The following ATAD2B variants were observed in gnomAD, a reference collection of about 807,000 sequenced individuals.
ATAD2B encodes the protein ATPase family AAA domain containing 2B.
In ATAD2B, 40 loss-of-function variants were observed where a neutral mutation model predicts 167.6. That is an observed-to-expected ratio of 0.24 (90% CI 0.19 to 0.31). The LOEUF (loss-of-function observed/expected upper bound fraction) is 0.31. Ranked by LOEUF, ATAD2B falls within the 10% of genes least tolerant of loss-of-function variation. The pLI is 1.00. For synonymous variants in ATAD2B, 579 were observed against 596.5 expected (o/e 0.97, Z 0.43); for missense variants, 1,242 against 1,757.2 (o/e 0.71, Z 5.24).
At chr2:23,887,220 C>T (rs1698808296) in intron 4 of ATAD2B, among the ~76,000 whole-genome samples, 2 of 152,176 alleles carry the variant, frequency 1.3e-5, no homozygotes, top group African/African-American at 4.8e-5. Flanking sequence ...GCCAAGATCG[C>T]GTCACTGCAC....
chr2:23,857,260 G>C (rs1053126036), intron 13 of ATAD2B, among the ~76,000 whole-genome samples, 155 bp downstream of exon 13: 3 of 152,180 alleles, frequency 2.0e-5, no homozygotes, highest in Admixed American at 6.5e-5. Context: ...GCTGTGGTGT[G>C]CTGACCCCTG....
the ATAD2B span, chr2:23,706,705 G>A: frequency 7.7e-4 from 1,073 of 1,393,252 alleles, 10 homozygotes; most frequent in African/African-American, 0.014. Context: ...GACAAGTCTG[G>A]TGAGGCAAGT....
intron 14 of ATAD2B, among the ~76,000 whole-genome samples, chr2:23,830,877 G>A (rs1688947938): frequency 6.6e-6 from 1 of 151,802 alleles, no homozygotes; most frequent in Non-Finnish European, 1.5e-5. Flanking sequence ...AAATTATGCT[G>A]GAAGATATCC....
chr2:23,721,869 G>GCA, the ATAD2B span, among the ~76,000 whole-genome samples: 3 of 152,132 alleles, frequency 2.0e-5, no homozygotes, highest in Admixed American at 1.3e-4. Flanking sequence ...CCCACCATGT[G>GCA]CACACACACA....
At chr2:23,766,640 C>T (rs554504038) in intron 22 of ATAD2B, among the ~76,000 whole-genome samples, 26 of 152,288 alleles carry the variant, frequency 1.7e-4, no homozygotes, top group African/African-American at 6.3e-4. Context: ...CCACCCACAG[C>T]AGTGAACAAA....
intron 22 of ATAD2B, among the ~76,000 whole-genome samples, chr2:23,766,860 C>A (rs573747598): frequency 1.3e-5 from 2 of 150,164 alleles, no homozygotes; most frequent in African/African-American, 2.5e-5. Context: ...CTCTGAAGAA[C>A]AGGCATTTAA....
chr2:23,719,579 CCA>C, the ATAD2B span, among the ~76,000 whole-genome samples: 3 of 151,990 alleles, frequency 2.0e-5, no homozygotes, highest in African/African-American at 7.3e-5. Context: ...TGAAAAACCT[CCA>C]AGCAGATGGT....
intron 13 of ATAD2B, among the ~76,000 whole-genome samples, chr2:23,837,613 T>C (rs1690216592): frequency 6.6e-6 from 1 of 152,244 alleles, no homozygotes; most frequent in South Asian, 2.1e-4. Context: ...ACAGCAGGCA[T>C]GATGATGGTG....
chr2:23,760,447 A>G (rs1345866270), intron 24 of ATAD2B, among the ~76,000 whole-genome samples: 1 of 151,932 alleles, frequency 6.6e-6, no homozygotes, highest in Non-Finnish European at 1.5e-5. Flanking sequence ...GATCACTTGA[A>G]GTCAGGAGTT....
the ATAD2B span, among the ~76,000 whole-genome samples, chr2:23,679,629 C>T: frequency 2.4e-4 from 34 of 142,644 alleles, no homozygotes; most frequent in African/African-American, 6.3e-4. Context: ...TATATGTATG[C>T]CAGGCCCTGT....
chr2:23,873,941 C>A (rs906286928), intron 8 of ATAD2B, among the ~76,000 whole-genome samples: 10 of 152,130 alleles, frequency 6.6e-5, no homozygotes, highest in Non-Finnish European at 1.2e-4. Context: ...AATCCCAGCA[C>A]TTTGGGAGGC....
the ATAD2B span, chr2:23,706,788 C>T: frequency 1.6e-6 from 1 of 635,796 alleles, no homozygotes; most frequent in Admixed American, 3.4e-5. Context: ...TCACTGCGCT[C>T]AACATGTTGA....
intron 10 of ATAD2B, chr2:23,865,879 A>G: frequency 2.2e-6 from 1 of 448,132 alleles, no homozygotes; most frequent in Non-Finnish European, 2.9e-6. Context: ...GCTTTGTAAG[A>G]AAAAAAGTGT....
rs151136929 is a variant in ATAD2B at position 23,777,045 on chromosome 2, T to C, written c.3133+5824A>G. Reference sequence around the variant, plus strand: ...GGGTTCTAATCCAATCTGACTGATGTCCTTACAAGGAGAGAAAATTTGGAC... The same window carrying C: ...GGGTTCTAATCCAATCTGACTGATGCCCTTACAAGGAGAGAAAATTTGGAC... On this transcript the variant is annotated intron_variant, in intron 22 of 27. Coordinates refer to ENST00000238789, the MANE Select transcript of ATAD2B (RefSeq NM_017552.4). Among the ~76,000 whole-genome samples the C allele has an allele frequency of 9.4e-3, 1,433 of 152,108 alleles. 20 individuals carry two copies. Among genetic ancestry groups the C allele is most frequent in the Non-Finnish European group, 0.013 (874 of 68,008 alleles).
At chr2:23,721,573 C>A in the ATAD2B span, among the ~76,000 whole-genome samples, 11 of 152,018 alleles carry the variant, frequency 7.2e-5, no homozygotes, top group African/African-American at 2.7e-4. Flanking sequence ...GGCAGACATA[C>A]CCCCAGGCCA....
At chr2:23,916,591 C>T (rs933716836) in intron 1 of ATAD2B, among the ~76,000 whole-genome samples, 6 of 152,166 alleles carry the variant, frequency 3.9e-5, no homozygotes, top group Admixed American at 1.3e-4. Flanking sequence ...TTGTCTGGCA[C>T]ATAAGAATAA....
intron 1 of ATAD2B, among the ~76,000 whole-genome samples, chr2:23,920,095 G>A (rs1196798297): frequency 6.6e-6 from 1 of 151,698 alleles, no homozygotes; most frequent in Non-Finnish European, 1.5e-5. Flanking sequence ...AGGTTGCAGT[G>A]AGGCGACATG....
chr2:23,824,894 T>A (rs886572688), intron 15 of ATAD2B, among the ~76,000 whole-genome samples: 1 of 152,192 alleles, frequency 6.6e-6, no homozygotes, highest in Non-Finnish European at 1.5e-5. Flanking sequence ...ATTCCAATAG[T>A]TATAGAATAT....
intron 21 of ATAD2B, among the ~76,000 whole-genome samples, chr2:23,784,464 T>C (rs902777155): frequency 6.6e-6 from 1 of 152,150 alleles, no homozygotes; most frequent in Non-Finnish European, 1.5e-5. Flanking sequence ...AATACAACCC[T>C]AAATAAAATA....
Sources: gnomAD v4.1 joint callset for allele counts (sites outside exome capture counted in the v4.1 genomes callset) on GRCh38, gnomAD v4.1.1 for gene constraint, MANE v1.5 for transcripts, NCBI Gene and HGNC (gene_info 2026-07-23, HGNC 2026-07-21) for gene names.